Variants in ROR2 observed in about 807,000 individuals in gnomAD.
ROR2 encodes ROR family WNT receptor 2.
A neutral mutation model predicts 74.9 loss-of-function variants in ROR2; 33 were observed. The ratio of observed to expected loss-of-function variants is 0.44; its 90% CI spans 0.33 to 0.59. ROR2 has a LOEUF of 0.59. Ranked by LOEUF, ROR2 falls within the 20% of genes least tolerant of loss-of-function variation. The pLI, the probability that ROR2 is intolerant of heterozygous loss-of-function variation, is 0.02. For synonymous variants in ROR2, 586 were observed against 558.7 expected, an observed-to-expected ratio of 1.05 and a Z score of -0.69; for missense variants, 1,216 against 1,313.8, an observed-to-expected ratio of 0.93 and a Z score of 1.15.
intron 1 of ROR2, among the ~76,000 whole-genome samples, chr9:91,917,783 AGCAGGGCACTCCTACTGGAGGCCACAGT>A (rs1831172680): frequency 6.6e-6 from 1 of 152,240 alleles, no homozygotes; most frequent in South Asian, 2.1e-4. Context: ...CAGACAGGCC[AGCAGGGCACTCCTACTGGAGGCCACAGT>A]GCAGGGCATC....
chr9:91,881,263 A>C (rs1830103546), intron 1 of ROR2, among the ~76,000 whole-genome samples: 3 of 152,254 alleles, frequency 2.0e-5, no homozygotes, highest in African/African-American at 4.8e-5. Context: ...TATTATAAAA[A>C]CACCAAGTAG....
At chr9:91,934,957 T>C (rs944655854) in intron 1 of ROR2, among the ~76,000 whole-genome samples, 3 of 152,006 alleles carry the variant, frequency 2.0e-5, no homozygotes, top group African/African-American at 7.2e-5. Context: ...TTGCAAATGG[T>C]GAAGGAAAAC....
rs1836843922 is a variant in ROR2 at position 91,722,720 on chromosome 9, G to A, written c.*942C>T. ...GTGTAACAGGGGCTGTAAAATGAATGGACCTCATGTGCACGTGGTACAGAG... is the reference window on the plus strand; with the variant it reads ...GTGTAACAGGGGCTGTAAAATGAATAGACCTCATGTGCACGTGGTACAGAG... On this transcript the variant is annotated 3_prime_UTR_variant, in exon 9 of 9. Transcript: ENST00000375708. 1.4e-6 allele frequency: 1 copy of A among 714,808 alleles called. No individual in the cohort carries two copies. The highest frequency in any genetic ancestry group is 2.6e-6 in the Non-Finnish European group (1 of 386,010). 44.3% of individuals were successfully genotyped at this position (714,808 alleles called of 1,614,324 possible).
chr9:91,794,513 T>C lies in ROR2; in HGVS notation c.98-18695A>G, dbSNP rs1435841905. On this transcript the variant is annotated intron_variant, in intron 1 of 8. Transcript: ENST00000375708. ...AAATCCCAGAAGAAACAAATCCACA[T>C]AGAGGCTTTAGGGAGGGAAACCCAG... Among the ~76,000 whole-genome samples the C allele has an allele frequency of 2.6e-5, 4 of 152,256 alleles. No individual in the cohort carries two copies. The East Asian group carries it at 7.7e-4, about 29-fold the overall frequency.
chr9:91,760,676 A>G (rs114946202), intron 2 of ROR2, among the ~76,000 whole-genome samples: 4,807 of 151,536 alleles, frequency 0.032, 261 homozygotes, highest in African/African-American at 0.11. Context: ...TTACTTTTTG[A>G]GGGCAATATT....
chr9:91,818,279 T>G lies in ROR2; in HGVS notation c.98-42461A>C, dbSNP rs116912684. Among the ~76,000 whole-genome samples the G allele has an allele frequency of 6.4e-3, 977 of 152,352 alleles. 4 individuals carry two copies. The highest frequency in any genetic ancestry group is 0.011 in the Non-Finnish European group (725 of 68,032). On this transcript the variant is annotated intron_variant, in intron 1 of 8. Coordinates refer to ENST00000375708, the MANE Select transcript of ROR2 (RefSeq NM_004560.4). ...CTTCTAAGATGACAGATTCCTATTC[T>G]TTGATATGCAAGGCTAAATGTCTTT... is the stretch of plus-strand genomic sequence containing the variant.
chr9:91,804,541 A>G (rs1158264129), intron 1 of ROR2, among the ~76,000 whole-genome samples: 1 of 152,212 alleles, frequency 6.6e-6, no homozygotes, highest in Non-Finnish European at 1.5e-5. Context: ...GAGGAGAGAG[A>G]AAGGCGGCTC....
At chr9:91,877,892 G>A (rs1285121218) in intron 1 of ROR2, among the ~76,000 whole-genome samples, 1 of 152,170 alleles carries the variant, frequency 6.6e-6, no homozygotes, top group African/African-American at 2.4e-5. Flanking sequence ...GTTCCCCAGG[G>A]AGAAGGGTTA....
chr9:91,776,949 A>G (rs936940192), intron 1 of ROR2, among the ~76,000 whole-genome samples: 1 of 152,204 alleles, frequency 6.6e-6, no homozygotes. Flanking sequence ...AAAGAGTCCT[A>G]GCTCTTCCCA....
chr9:91,779,653 G>A (rs926060695), intron 1 of ROR2, among the ~76,000 whole-genome samples: 1 of 152,124 alleles, frequency 6.6e-6, no homozygotes, highest in Non-Finnish European at 1.5e-5. Flanking sequence ...TTACAGGCAT[G>A]AGCCACCGTG....
chr9:91,724,105 G>A lies in ROR2; in HGVS notation c.2389C>T (p.Pro797Ser). Residue 797 changes from proline to serine, a missense_variant, in exon 9 of 9, where the codon CCA (proline) becomes TCA (serine). Pro to Ser is a moderately conservative substitution (Grantham distance 74). Transcript: ENST00000375708. ...TTCATGGGGATGAACTGGGGCTGTG[G>A]GAAGGGCGGGGCCTTCTGCTTGGGC... The part of the protein sequence containing the change: ...VGPKQKAPPF[P>S]QPQFIPMKGQ... The A allele has an allele frequency of 6.2e-7, 1 of 1,610,986 alleles. No homozygotes were observed. The highest frequency in any genetic ancestry group is 8.5e-7 in the Non-Finnish European group (1 of 1,179,944).
chr9:91,788,664 A>C (rs1826874079), intron 1 of ROR2, among the ~76,000 whole-genome samples: 2 of 152,106 alleles, frequency 1.3e-5, no homozygotes, highest in African/African-American at 2.4e-5. Context: ...CAGGAGTTCA[A>C]GACCAGCCTG....
intron 1 of ROR2, among the ~76,000 whole-genome samples, chr9:91,882,735 G>A (rs982493758): frequency 3.3e-5 from 5 of 152,052 alleles, no homozygotes; most frequent in Admixed American, 6.6e-5. Context: ...CCTAATCCAC[G>A]AAGACAGATG....
chr9:91,747,444 T>A (rs1428548480), intron 4 of ROR2, among the ~76,000 whole-genome samples: 2 of 152,230 alleles, frequency 1.3e-5, no homozygotes, highest in Non-Finnish European at 2.9e-5. Flanking sequence ...CCATCAGAGT[T>A]CATGGCTAAG....
At chr9:91,920,399 G>A (rs958623898) in intron 1 of ROR2, among the ~76,000 whole-genome samples, 2 of 152,138 alleles carry the variant, frequency 1.3e-5, no homozygotes, top group Non-Finnish European at 2.9e-5. Flanking sequence ...TCAGCTACTC[G>A]GGAGGCTGAG....
At chr9:91,737,745 T>G (rs1183068999) in intron 4 of ROR2, among the ~76,000 whole-genome samples, 1 of 152,224 alleles carries the variant, frequency 6.6e-6, no homozygotes, top group Non-Finnish European at 1.5e-5. Flanking sequence ...GATGTCTTTC[T>G]GTAGGTGAAT....
chr9:91,821,802 C>T (rs1828148250), intron 1 of ROR2, among the ~76,000 whole-genome samples: 1 of 152,208 alleles, frequency 6.6e-6, no homozygotes, highest in Non-Finnish European at 1.5e-5. Context: ...TTACACAGCA[C>T]TCATCATGCC....
At chr9:91,737,548 G>A (rs758059667) in intron 4 of ROR2, 30 bp from the exon 5 acceptor site, 2 of 1,613,912 alleles carry the variant, frequency 1.2e-6, no homozygotes, top group African/African-American at 1.3e-5. Flanking sequence ...GTCTGTTAGA[G>A]CTCTGGGAGG....
At chr9:91,906,759 G>C (rs1273162955) in intron 1 of ROR2, among the ~76,000 whole-genome samples, 1 of 152,118 alleles carries the variant, frequency 6.6e-6, no homozygotes, top group Non-Finnish European at 1.5e-5. Flanking sequence ...GCTGGAGGGA[G>C]AACCTGCTAC....
Sources: allele counts gnomAD v4.1 joint callset (sites outside exome capture counted in the v4.1 genomes callset), GRCh38; gene constraint gnomAD v4.1.1; transcripts MANE v1.5; gene names NCBI Gene and HGNC (gene_info 2026-07-23, HGNC 2026-07-21).